The following SLC35A3 variants were observed in gnomAD, a reference collection of about 807,000 sequenced individuals.
The protein encoded by SLC35A3 is UDP-N-acetylglucosamine transporter.
SLC35A3 carries 26 observed loss-of-function variants against 39.0 expected under a neutral mutation model. The ratio of observed to expected loss-of-function variants is 0.67; its 90% confidence interval spans 0.49 to 0.92. SLC35A3 has a LOEUF of 0.92. SLC35A3 is among the 40% of genes least tolerant of loss of function. SLC35A3 has a pLI of 0.00. For missense variants in SLC35A3, 299 were observed against 371.6 expected (o/e 0.80, Z 1.61); for synonymous variants, 135 against 133.1 (o/e 1.01, Z -0.10).
intron 1 of SLC35A3, among the ~76,000 whole-genome samples, chr1:99,979,372 C>T (rs1394985525): frequency 6.6e-6 from 1 of 151,866 alleles, no homozygotes; most frequent in Non-Finnish European, 1.5e-5. Flanking sequence ...TCAAATCTCT[C>T]TCTGCTTCAT....
intron 2 of SLC35A3, among the ~76,000 whole-genome samples, chr1:99,997,938 C>T (rs907068051): frequency 1.5e-4 from 23 of 152,066 alleles, no homozygotes; most frequent in Non-Finnish European, 1.2e-4. Context: ...GTTGGTTCCT[C>T]ATAACTCTGA....
At position 99,977,453 on chromosome 1, in the gene SLC35A3, A is replaced by G. The variant is rs373009171; in HGVS notation, c.-19+7291A>G. On this transcript the variant is annotated intron_variant, in intron 1 of 7. Transcript: ENST00000533028. ...GCTACTCGGGAGGCTGAAGCAGGAA[A>G]ATCACTTGAACTCGGGAGGTAGAGG... is the stretch of plus-strand genomic sequence containing the variant. Among the ~76,000 whole-genome samples the G allele has an allele frequency of 3.0e-4, 46 of 151,944 alleles. No individual in the cohort carries two copies. The East Asian group carries it at 8.5e-3, about 28-fold the overall frequency.
In SLC35A3 at chr1:99,997,436, A is replaced by T. The variant is rs1422215253; in HGVS notation, c.188-1825A>T. ...TATATATATATATATATATATATAT[A>T]TATATATATATATATATATATGGAT... On this transcript the variant is annotated intron_variant, in intron 2 of 7. Transcript: ENST00000533028. 6.7e-5 allele frequency among the ~76,000 whole-genome samples: 3 copies of T among 44,804 alleles called. No individual in the cohort carries two copies. The East Asian group carries it at 2.3e-3, about 34-fold the overall frequency. 29.4% of individuals were successfully genotyped at this position (44,804 alleles called of 152,430 possible). A position where few individuals can be genotyped will look rare whatever the true frequency, so the allele number is the denominator to read the frequency against.
In SLC35A3 at chr1:100,011,357, T is replaced by A. The variant is rs773486145; in HGVS notation, c.466-8T>A. 1 of 1,415,544 alleles carries A rather than the reference T, an allele frequency of 7.1e-7. No homozygotes were observed. Among genetic ancestry groups the A allele is most frequent in the South Asian group, 1.6e-5 (1 of 63,952 alleles). The allele number at this position is 1,415,544 out of a possible 1,614,324, so 87.7% of individuals were successfully genotyped here. A position where few individuals can be genotyped will look rare whatever the true frequency, so the allele number is the denominator to read the frequency against. ...TTAAACTTCAATTTTATTTTTCTTC[T>A]TATTTAGTGGCCCTCAGATTCTCAG... On this transcript the variant is annotated splice_polypyrimidine_tract_variant and splice_region_variant and intron_variant, in intron 4 of 7. Coordinates refer to ENST00000533028, the MANE Select transcript of SLC35A3 (RefSeq NM_012243.3).
intron 4 of SLC35A3, among the ~76,000 whole-genome samples, chr1:100,010,568 C>A (rs1659557861): frequency 6.6e-6 from 1 of 152,068 alleles, no homozygotes; most frequent in Non-Finnish European, 1.5e-5. Flanking sequence ...TTGTGTGCAC[C>A]TGTAGTCCCA....
intron 1 of SLC35A3, among the ~76,000 whole-genome samples, chr1:99,986,590 A>T (rs72965761): frequency 0.042 from 6,276 of 150,342 alleles, 453 homozygotes; most frequent in African/African-American, 0.14. Context: ...TTATTTATTT[A>T]TTTTTTTGAT....
rs1388619642 is a variant in SLC35A3 at position 99,999,317 on chromosome 1, A to G, written c.244A>G (p.Met82Val). 5.0e-6 allele frequency: 8 copies of G among 1,598,180 alleles called. No individual in the cohort carries two copies. Among genetic ancestry groups the G allele is most frequent in the East Asian group, 2.3e-5 (1 of 44,344 alleles). Residue 82 changes from methionine (M) to valine (V), a missense_variant, in exon 3 of 8, where the codon ATG becomes GTG. By Grantham distance (21) the Met-to-Val change is conservative. Transcript: ENST00000533028. Reference sequence around the variant, plus strand: ...ACATGATGAAATTCTTAATAAACCTATGGAAACACTTAAACTTGCTATTCC... The same window carrying G: ...ACATGATGAAATTCTTAATAAACCTGTGGAAACACTTAAACTTGCTATTCC... ...VLHDEILNKPMETLKLAIPSG... is the reference protein window; with the variant it reads ...VLHDEILNKPVETLKLAIPSG...
rs529791015 is a variant in SLC35A3, at chr1:99,997,972, T to C, written c.188-1289T>C. On this transcript the variant is annotated intron_variant, in intron 2 of 7. Transcript: ENST00000533028. ...GAAATCCTCTGGCTCCAGCTTTCTC[T>C]TTTTTTCCTCTCCTGGTTGATGGCA... 3.0e-4 allele frequency among the ~76,000 whole-genome samples: 46 copies of C among 152,146 alleles called. No individual in the cohort carries two copies. In the South Asian group the frequency reaches 6.0e-3, roughly 20 times the overall value.
rs2101134694 is a variant in SLC35A3, at chr1:99,993,807, A to G, written c.187+66A>G. ...TTTAGTTTGCATATATATATTGGTAACTACACATTTGCACTCTTGCATTGT... is the reference window on the plus strand; with the variant it reads ...TTTAGTTTGCATATATATATTGGTAGCTACACATTTGCACTCTTGCATTGT... On this transcript the variant is annotated intron_variant, in intron 2 of 7. Transcript: ENST00000533028. 4.3e-6 allele frequency: 6 copies of G among 1,390,964 alleles called. No homozygotes were observed. The South Asian group carries it at 4.9e-5, about 11-fold the overall frequency. The allele number at this position is 1,390,964 out of a possible 1,614,324, so 86.2% of individuals were successfully genotyped here.
intron 5 of SLC35A3, among the ~76,000 whole-genome samples, chr1:100,012,959 TCTTCATCTATAAAATAGACATCTAC>T (rs1402984147): frequency 9.9e-5 from 15 of 152,244 alleles, no homozygotes; most frequent in Non-Finnish European, 2.1e-4. Flanking sequence ...TGCTTCAGTT[TCTTCATCTATAAAATAGACATCTAC>T]CTCATAGTGT....
At chr1:99,998,671 A>G (rs1658561273) in intron 2 of SLC35A3, among the ~76,000 whole-genome samples, 2 of 152,162 alleles carry the variant, frequency 1.3e-5, no homozygotes, top group Non-Finnish European at 1.5e-5. Flanking sequence ...AGCATAATTA[A>G]ATGAGGTATG....
At chr1:100,004,720 TA>T (rs1659083015) in intron 3 of SLC35A3, among the ~76,000 whole-genome samples, 1 of 151,976 alleles carries the variant, frequency 6.6e-6, no homozygotes, top group African/African-American at 2.4e-5. Context: ...AAATTATTTC[TA>T]TTTTTTTTAT....
chr1:99,991,751 TGATA>T (rs1181201002), intron 1 of SLC35A3, among the ~76,000 whole-genome samples: 1 of 152,152 alleles, frequency 6.6e-6, no homozygotes, highest in Non-Finnish European at 1.5e-5. Flanking sequence ...AAGTAAGATC[TGATA>T]GATCTTTTTT....
chr1:99,976,402 G>A (rs991498955), intron 1 of SLC35A3, among the ~76,000 whole-genome samples: 2 of 152,312 alleles, frequency 1.3e-5, no homozygotes, highest in East Asian at 3.9e-4. Context: ...TCAAGGGAAG[G>A]TGGTAATCTA....
intron 7 of SLC35A3, 135 bp from the exon 8 acceptor site, chr1:100,022,251 A>G (rs1660599235): frequency 1.8e-6 from 1 of 557,652 alleles, no homozygotes; most frequent in Non-Finnish European, 3.2e-6. Flanking sequence ...TGTAGTAAGT[A>G]CTCAAGATTT....
At position 99,999,082 on chromosome 1, in the gene SLC35A3, C is replaced by T. The variant is rs115840260; in HGVS notation, c.188-179C>T. On this transcript the variant is annotated intron_variant, in intron 2 of 7. Coordinates refer to ENST00000533028, the MANE Select transcript of SLC35A3 (RefSeq NM_012243.3). ...AATAAAAGAATATGATTTCTTAATA[C>T]ATTATAATATTTAACATTTTAAAAA... Among the ~76,000 whole-genome samples, 7,320 of 151,968 alleles carry T rather than the reference C, an allele frequency of 0.048. 203 individuals carry two copies. The highest frequency in any genetic ancestry group is 0.067 in the African/African-American group (2,774 of 41,462).
chr1:100,027,157 G>A lies in SLC35A3; in HGVS notation c.*4681G>A, dbSNP rs932789018. On this transcript the variant is annotated 3_prime_UTR_variant, in exon 8 of 8. Transcript: ENST00000533028. Reference sequence around the variant, plus strand: ...TTTTCTCTAGCCCATATTCTAGCATGAAATACTGGGTTGGCCAGGTGCAGT... The same window carrying A: ...TTTTCTCTAGCCCATATTCTAGCATAAAATACTGGGTTGGCCAGGTGCAGT... 5 of 398,418 alleles carry A rather than the reference G, an allele frequency of 1.3e-5. No individual in the cohort carries two copies. The highest frequency in any genetic ancestry group is 1.0e-4 in the African/African-American group (5 of 48,584). The allele number at this position is 398,418 out of a possible 1,614,324, so 24.7% of individuals were successfully genotyped here. A position where few individuals can be genotyped will look rare whatever the true frequency, so the allele number is the denominator to read the frequency against.
chr1:100,018,922 A>C (rs546710457), intron 7 of SLC35A3, among the ~76,000 whole-genome samples: 1 of 152,330 alleles, frequency 6.6e-6, no homozygotes, highest in East Asian at 1.9e-4. Context: ...TGGAACATAC[A>C]TGTTGAGATC....
rs1661429091 is a variant in SLC35A3 at position 100,035,093 on chromosome 1, A to G, written c.*12617A>G. ...CCTCCATATGAGGAGGGGAGTGGGA[A>G]TTGGTTGTGGGACTTCCGTGGATAT... On this transcript the variant is annotated 3_prime_UTR_variant, in exon 8 of 8. Coordinates refer to ENST00000533028, the MANE Select transcript of SLC35A3 (RefSeq NM_012243.3). The G allele has an allele frequency of 2.6e-5, 4 of 152,260 alleles. No homozygotes were observed. In the South Asian group the frequency reaches 8.3e-4, roughly 32 times the overall value. 9.4% of individuals were successfully genotyped at this position (152,260 alleles called of 1,614,324 possible).
Sources: gnomAD v4.1 joint callset for allele counts (sites outside exome capture counted in the v4.1 genomes callset) on GRCh38, gnomAD v4.1.1 for gene constraint, MANE v1.5 for transcripts, NCBI Gene and HGNC (gene_info 2026-07-23, HGNC 2026-07-21) for gene names.